Variants in LYPD6B observed in about 807,000 individuals in gnomAD.
The protein encoded by LYPD6B is ly6/PLAUR domain-containing protein 6B.
In LYPD6B, 17 loss-of-function variants were observed where a neutral mutation model predicts 22.8. The ratio of observed to expected loss-of-function variants is 0.75; its 90% CI spans 0.51 to 1.12. LYPD6B has a LOEUF of 1.12. Among genes scored for constraint, LYPD6B ranks in the 50% most tolerant of loss-of-function variants. The pLI, the probability that LYPD6B is intolerant of heterozygous loss-of-function variation, is 0.00. For missense variants in LYPD6B, 221 were observed against 258.3 expected, an observed-to-expected ratio of 0.86 and a Z score of 0.99; for synonymous variants, 106 against 91.6, an observed-to-expected ratio of 1.16 and a Z score of -0.90.
chr2:149,162,491 C>G (rs775965561), intron 3 of LYPD6B, among the ~76,000 whole-genome samples: 1 of 152,130 alleles, frequency 6.6e-6, no homozygotes, highest in Non-Finnish European at 1.5e-5. Flanking sequence ...GTGCTTTACT[C>G]GATGTCCACA....
chr2:149,187,541 T>C, intron 3 of LYPD6B: 2 of 1,454,192 alleles, frequency 1.4e-6, no homozygotes, highest in African/African-American at 2.9e-5. Flanking sequence ...GAGCAGGATC[T>C]CAGGCAACGT....
At chr2:149,120,782 G>GTTT (rs1559010612) in intron 1 of LYPD6B, among the ~76,000 whole-genome samples, 18 of 85,798 alleles carry the variant, frequency 2.1e-4, no homozygotes, top group African/African-American at 3.8e-4. Context: ...ATGCTACAAA[G>GTTT]TCTTTTTTTT....
intron 1 of LYPD6B, among the ~76,000 whole-genome samples, chr2:149,047,825 T>G (rs752217595): frequency 6.6e-6 from 1 of 152,174 alleles, no homozygotes; most frequent in Non-Finnish European, 1.5e-5. Flanking sequence ...TTTATTCATG[T>G]TTTTTCTCTT....
At chr2:149,180,493 A>G (rs1691636166) in intron 3 of LYPD6B, among the ~76,000 whole-genome samples, 1 of 152,178 alleles carries the variant, frequency 6.6e-6, no homozygotes, top group African/African-American at 2.4e-5. Context: ...TTTTGGCCTT[A>G]GTCTTAGCCC....
chr2:149,170,346 A>G (rs1455819028), intron 3 of LYPD6B, among the ~76,000 whole-genome samples: 1 of 152,224 alleles, frequency 6.6e-6, no homozygotes, highest in Non-Finnish European at 1.5e-5. Flanking sequence ...ATGCCATCAT[A>G]GATGAGGACT....
At chr2:149,198,132 T>G (rs1386704898) in intron 3 of LYPD6B, among the ~76,000 whole-genome samples, 2 of 151,736 alleles carry the variant, frequency 1.3e-5, no homozygotes, top group African/African-American at 4.8e-5. Flanking sequence ...AATCCCCGCC[T>G]CCTAGGTTCA....
At chr2:149,095,586 G>A (rs1250130442) in intron 1 of LYPD6B, among the ~76,000 whole-genome samples, 1 of 152,158 alleles carries the variant, frequency 6.6e-6, no homozygotes, top group Non-Finnish European at 1.5e-5. Flanking sequence ...TGAAGCTGTT[G>A]GATTCTTTGG....
chr2:149,128,308 A>T (rs557918238), intron 1 of LYPD6B, among the ~76,000 whole-genome samples: 1 of 152,338 alleles, frequency 6.6e-6, no homozygotes, highest in South Asian at 2.1e-4. Context: ...GGGATGTTCC[A>T]TCAAATAGCA....
At chr2:149,077,878 C>G (rs1230860003) in intron 1 of LYPD6B, among the ~76,000 whole-genome samples, 1 of 152,198 alleles carries the variant, frequency 6.6e-6, no homozygotes, top group African/African-American at 2.4e-5. Flanking sequence ...GATCTGATGT[C>G]ATTCAGAAAG....
intron 3 of LYPD6B, among the ~76,000 whole-genome samples, chr2:149,183,160 G>A (rs922104288): frequency 1.3e-5 from 2 of 152,170 alleles, no homozygotes; most frequent in Admixed American, 6.5e-5. Flanking sequence ...TTTCAAGCTT[G>A]ATGTATCTAC....
intron 1 of LYPD6B, among the ~76,000 whole-genome samples, chr2:149,118,620 G>T (rs1687125346): frequency 1.3e-5 from 2 of 152,236 alleles, no homozygotes; most frequent in South Asian, 4.1e-4. Context: ...AGAAATAGCT[G>T]CTAATAACAG....
intron 2 of LYPD6B, among the ~76,000 whole-genome samples, chr2:149,141,038 T>A (rs379978): frequency 0.39 from 59,165 of 152,064 alleles, 12,184 homozygotes; most frequent in African/African-American, 0.52. Flanking sequence ...CCTGTTCTCA[T>A]GGAACTTACC....
intron 3 of LYPD6B, among the ~76,000 whole-genome samples, chr2:149,174,832 T>G (rs1391068829): frequency 5.3e-5 from 8 of 151,958 alleles, no homozygotes; most frequent in Admixed American, 1.3e-4. Flanking sequence ...ATATGGATAC[T>G]GGGCTTAATA....
intron 1 of LYPD6B, among the ~76,000 whole-genome samples, chr2:149,049,269 A>G (rs1056427625): frequency 1.3e-5 from 2 of 152,176 alleles, no homozygotes; most frequent in African/African-American, 4.8e-5. Flanking sequence ...CCCTTCTCTA[A>G]TCTACCAGTT....
intron 1 of LYPD6B, among the ~76,000 whole-genome samples, chr2:149,086,831 T>C (rs957865432): frequency 5.1e-4 from 78 of 152,312 alleles, no homozygotes; most frequent in African/African-American, 1.8e-3. Flanking sequence ...GGCTTCCACA[T>C]GGCTGTCTTT....
intron 6 of LYPD6B, 70 bp downstream of exon 6, chr2:149,213,192 A>T: frequency 1.3e-6 from 2 of 1,575,720 alleles, no homozygotes; most frequent in Non-Finnish European, 1.7e-6. Flanking sequence ...ATCAAAGGAG[A>T]GGCAGGAAGG....
chr2:149,128,875 C>G (rs969054160), intron 1 of LYPD6B, among the ~76,000 whole-genome samples: 1 of 152,140 alleles, frequency 6.6e-6, no homozygotes, highest in Non-Finnish European at 1.5e-5. Flanking sequence ...TATTTTTTAT[C>G]TTGCCTAGTG....
At chr2:149,068,003 G>A (rs13033411) in intron 1 of LYPD6B, among the ~76,000 whole-genome samples, 26,640 of 152,120 alleles carry the variant, frequency 0.18, 2,523 homozygotes, top group East Asian at 0.38. Flanking sequence ...TTTTTCTAAG[G>A]TGAGTGGGGA....
At chr2:149,175,902 A>C (rs1243116935) in intron 3 of LYPD6B, among the ~76,000 whole-genome samples, 1 of 152,028 alleles carries the variant, frequency 6.6e-6, no homozygotes, top group Non-Finnish European at 1.5e-5. Context: ...TATGATAACA[A>C]TGCTTTCTTC....
Sources: gnomAD v4.1 joint callset for allele counts (sites outside exome capture counted in the v4.1 genomes callset) on GRCh38, gnomAD v4.1.1 for gene constraint, MANE v1.5 for transcripts, NCBI Gene and HGNC (gene_info 2026-07-23, HGNC 2026-07-21) for gene names.